The following HIVEP3 variants were observed in gnomAD, a reference collection of about 807,000 sequenced individuals.
The protein encoded by HIVEP3 is transcription factor HIVEP3.
In HIVEP3, 49 loss-of-function variants were observed where a neutral mutation model predicts 152.8. The observed-to-expected ratio is 0.32, with a 90% CI of 0.26 to 0.41. The LOEUF is 0.41. HIVEP3 is among the 10% of genes least tolerant of loss of function. The pLI, the probability that HIVEP3 is intolerant of heterozygous loss-of-function variation, is 1.00. For synonymous variants in HIVEP3, 1,269 were observed against 1,289.0 expected (o/e 0.98, Z 0.33); for missense variants, 2,790 against 3,103.3 (o/e 0.90, Z 2.40).
chr1:41,923,447 A>G (rs1644951402), upstream of HIVEP3, among the ~76,000 whole-genome samples: 1 of 152,150 alleles, frequency 6.6e-6, no homozygotes, highest in Admixed American at 6.5e-5. Context: ...TCAAACTCAT[A>G]GGAGTAGAGA....
chr1:41,715,968 C>T (rs752699941), intron 1 of HIVEP3, among the ~76,000 whole-genome samples: 3 of 152,184 alleles, frequency 2.0e-5, no homozygotes, highest in Non-Finnish European at 2.9e-5. Context: ...CGGTGGGGCC[C>T]CGAGCAACCG....
At chr1:42,029,901 G>A (rs1422555033) in intron 1 of HIVEP3, among the ~76,000 whole-genome samples, 1 of 152,232 alleles carries the variant, frequency 6.6e-6, no homozygotes, top group Non-Finnish European at 1.5e-5. Flanking sequence ...ACACAATTGG[G>A]AAAAGAAAGC....
intron 1 of HIVEP3, among the ~76,000 whole-genome samples, chr1:41,939,197 G>A (rs1015018095): frequency 1.3e-5 from 2 of 152,046 alleles, no homozygotes; most frequent in Non-Finnish European, 2.9e-5. Flanking sequence ...ATTTTATAAT[G>A]GAAAGTTGAT....
intron 2 of HIVEP3, 131 bp downstream of exon 2, chr1:41,700,781 TAGCG>T (rs1448037216): frequency 9.6e-6 from 2 of 207,886 alleles, no homozygotes; most frequent in African/African-American, 4.7e-5. Context: ...AAAGTGTCGG[TAGCG>T]TGTGGGGCTC....
intron 6 of HIVEP3, among the ~76,000 whole-genome samples, chr1:41,522,557 T>G (rs561899898): frequency 7.2e-5 from 11 of 152,218 alleles, no homozygotes; most frequent in African/African-American, 2.6e-4. Context: ...TCTACACCCC[T>G]GGAAATGGGG....
chr1:41,933,657 C>A (rs922605137), intron 1 of HIVEP3, among the ~76,000 whole-genome samples: 3 of 152,126 alleles, frequency 2.0e-5, no homozygotes, highest in African/African-American at 7.2e-5. Context: ...AGACCATTCA[C>A]ATTTAATGTG....
At chr1:41,750,813 C>T (rs1451583199) in intron 1 of HIVEP3, among the ~76,000 whole-genome samples, 1 of 152,130 alleles carries the variant, frequency 6.6e-6, no homozygotes, top group Non-Finnish European at 1.5e-5. Flanking sequence ...ATTCTCCTGC[C>T]TCAGCCTCCC....
chr1:41,796,001 C>G (rs759937669), intron 1 of HIVEP3, among the ~76,000 whole-genome samples: 2 of 152,136 alleles, frequency 1.3e-5, no homozygotes, highest in Non-Finnish European at 2.9e-5. Flanking sequence ...AGTGAGTGTG[C>G]CCATTTCTAC....
At chr1:42,009,035 C>A (rs761829055) in intron 1 of HIVEP3, among the ~76,000 whole-genome samples, 1 of 152,198 alleles carries the variant, frequency 6.6e-6, no homozygotes, top group Admixed American at 6.5e-5. Flanking sequence ...ACAAAGCCAA[C>A]AAGCTAAGGA....
At chr1:41,987,071 T>C (rs1043728431) in intron 1 of HIVEP3, among the ~76,000 whole-genome samples, 28 of 152,202 alleles carry the variant, frequency 1.8e-4, no homozygotes, top group Non-Finnish European at 7.4e-5. Flanking sequence ...CTGCTAAATA[T>C]TTATTTAGTG....
Position 41,909,986 on chromosome 1 carries a change from G to GA in HIVEP3, c.-801+8426dup, listed in dbSNP as rs1265691682. ...TATAGCTTACAATGCTCATAATGGGGAAAAAAGCCTGAAAATTAAAAAGCC... is the reference window on the plus strand; with the variant it reads ...TATAGCTTACAATGCTCATAATGGGGAAAAAAAGCCTGAAAATTAAAAAGCC... On this transcript the variant is annotated intron_variant, in intron 1 of 8. Coordinates refer to ENST00000372583, the MANE Select transcript of HIVEP3 (RefSeq NM_024503.5). Among the ~76,000 whole-genome samples the GA allele has an allele frequency of 4.6e-5, 7 of 151,760 alleles. No individual in the cohort carries two copies. The East Asian group carries it at 1.2e-3, about 25-fold the overall frequency.
intron 1 of HIVEP3, among the ~76,000 whole-genome samples, chr1:41,946,416 T>C (rs575542967): frequency 5.2e-4 from 79 of 152,252 alleles, no homozygotes; most frequent in African/African-American, 1.5e-3. Flanking sequence ...GCCTTCTCAG[T>C]CTTACTTTCC....
intron 1 of HIVEP3, among the ~76,000 whole-genome samples, chr1:41,828,539 A>C (rs1642868809): frequency 6.6e-6 from 1 of 152,238 alleles, no homozygotes; most frequent in Non-Finnish European, 1.5e-5. Flanking sequence ...AGGCATTTCT[A>C]AGAGATACTT....
intron 1 of HIVEP3, among the ~76,000 whole-genome samples, chr1:41,874,295 G>A (rs760278931): frequency 3.0e-4 from 45 of 152,194 alleles, no homozygotes; most frequent in Non-Finnish European, 5.7e-4. Context: ...CACTTGGGAT[G>A]TTCATGTTCG....
At chr1:41,694,040 G>C (rs998071174) in intron 2 of HIVEP3, among the ~76,000 whole-genome samples, 1 of 151,936 alleles carries the variant, frequency 6.6e-6, no homozygotes, top group Non-Finnish European at 1.5e-5. Flanking sequence ...ATTCATCCAT[G>C]TTTATTTTTC....
chr1:41,560,480 C>T (rs1187433396), intron 5 of HIVEP3, among the ~76,000 whole-genome samples: 1 of 152,160 alleles, frequency 6.6e-6, no homozygotes, highest in African/African-American at 2.4e-5. Flanking sequence ...CCAGCACTCC[C>T]GAGAAGCACC....
chr1:41,628,689 T>C, intron 3 of HIVEP3, 60 bp downstream of exon 3: 3 of 1,159,834 alleles, frequency 2.6e-6, no homozygotes, highest in Non-Finnish European at 3.3e-6. Context: ...AGCAAGCTCA[T>C]GCAAGACAGA....
chr1:41,939,067 T>C (rs1356007349), intron 1 of HIVEP3, among the ~76,000 whole-genome samples: 2 of 152,218 alleles, frequency 1.3e-5, no homozygotes, highest in Non-Finnish European at 2.9e-5. Flanking sequence ...CGGTTTTTAC[T>C]AAAACCCTTT....
chr1:41,876,113 TAA>T (rs1218089719), intron 1 of HIVEP3, among the ~76,000 whole-genome samples: 1 of 113,302 alleles, frequency 8.8e-6, no homozygotes, highest in Non-Finnish European at 2.1e-5. Context: ...GGGAGAGTGT[TAA>T]GTTTTTTTTT....
Sources: allele counts gnomAD v4.1 joint callset (sites outside exome capture counted in the v4.1 genomes callset), GRCh38; gene constraint gnomAD v4.1.1; transcripts MANE v1.5; gene names NCBI Gene and HGNC (gene_info 2026-07-23, HGNC 2026-07-21).